The following STRN variants were observed in gnomAD, a reference collection of about 807,000 sequenced individuals.
STRN encodes the protein protein phosphatase 2 regulatory subunit B'''alpha.
In STRN, 53 loss-of-function variants were observed where a neutral mutation model predicts 96.3. The observed-to-expected ratio is 0.55, with a 90% CI of 0.44 to 0.69. STRN has a LOEUF of 0.69. Ranked by LOEUF, STRN falls within the 30% of genes least tolerant of loss-of-function variation. The pLI, the probability that STRN is intolerant of heterozygous loss-of-function variation, is 0.00. For missense variants in STRN, 987 were observed against 963.9 expected (o/e 1.02, Z -0.32); for synonymous variants, 428 against 355.9 (o/e 1.20, Z -2.28).
rs1194757269 is a variant in STRN at position 36,840,774 on chromosome 2, T to C, written c.*8682A>G. On this transcript the variant is annotated 3_prime_UTR_variant, in exon 18 of 18. Transcript: ENST00000263918. ...ATTTTTGTAGGTGACAAATGAGCAATGCATAATATGCAAAATCTGGGTTAA... is the reference window on the plus strand; with the variant it reads ...ATTTTTGTAGGTGACAAATGAGCAACGCATAATATGCAAAATCTGGGTTAA... 1 of 152,076 alleles carries C rather than the reference T, an allele frequency of 6.6e-6. No homozygotes were observed. Among genetic ancestry groups the C allele is most frequent in the Non-Finnish European group, 1.5e-5 (1 of 68,010 alleles). The allele number at this position is 152,076 out of a possible 1,614,324, so 9.4% of individuals were successfully genotyped here.
chr2:36,946,329 GCA>G (rs1371106852), intron 1 of STRN, among the ~76,000 whole-genome samples: 1 of 152,106 alleles, frequency 6.6e-6, no homozygotes, highest in Non-Finnish European at 1.5e-5. Flanking sequence ...AAATGACTTT[GCA>G]CACAGCAGCA....
At chr2:36,919,895 A>G (rs1303835848) in intron 2 of STRN, among the ~76,000 whole-genome samples, 2 of 152,220 alleles carry the variant, frequency 1.3e-5, no homozygotes, top group Non-Finnish European at 2.9e-5. Context: ...TTGAAAATTT[A>G]TATTAAATTT....
chr2:36,931,305 C>T (rs1670569325), intron 1 of STRN, among the ~76,000 whole-genome samples: 1 of 152,110 alleles, frequency 6.6e-6, no homozygotes, highest in Non-Finnish European at 1.5e-5. Flanking sequence ...TCAGTTCAAT[C>T]ACATGTTTGG....
intron 1 of STRN, among the ~76,000 whole-genome samples, chr2:36,935,329 C>A (rs1014626705): frequency 3.9e-5 from 6 of 152,190 alleles, no homozygotes; most frequent in African/African-American, 1.2e-4. Context: ...AACAAAAAAA[C>A]CTCTGTATGT....
At chr2:36,938,325 C>T (rs1471636778) in intron 1 of STRN, among the ~76,000 whole-genome samples, 1 of 151,674 alleles carries the variant, frequency 6.6e-6, no homozygotes, top group Non-Finnish European at 1.5e-5. Context: ...ACTTGGGAGG[C>T]TGAGGCACAA....
At chr2:36,923,391 C>T (rs1572677627) in intron 2 of STRN, among the ~76,000 whole-genome samples, 2 of 139,304 alleles carry the variant, frequency 1.4e-5, no homozygotes, top group East Asian at 2.2e-4. Context: ...GCGGAGGTTG[C>T]AGTAAGCCGA....
chr2:36,888,639 ATGTGTGTGTGTGTG>A (rs70946958), intron 7 of STRN, among the ~76,000 whole-genome samples: 1 of 145,128 alleles, frequency 6.9e-6, no homozygotes, highest in South Asian at 2.2e-4. Flanking sequence ...TTTAATTTAT[ATGTGTGTGTGTGTG>A]TGTGTGTGTG....
intron 12 of STRN, among the ~76,000 whole-genome samples, chr2:36,866,906 C>T (rs1436472532): frequency 6.6e-6 from 1 of 152,124 alleles, no homozygotes; most frequent in African/African-American, 2.4e-5. Flanking sequence ...TTTCTTTGAG[C>T]CTATGGGTGT....
At chr2:36,923,266 T>C (rs1398123113) in intron 2 of STRN, among the ~76,000 whole-genome samples, 1 of 151,430 alleles carries the variant, frequency 6.6e-6, no homozygotes, top group Non-Finnish European at 1.5e-5. Flanking sequence ...CTGACCAATA[T>C]GGTGAAACCC....
chr2:36,902,647 T>A lies in STRN; in HGVS notation c.596A>T (p.Asp199Val). ...ATTTACAACTGAGTCCTGATTTTTG[T>A]CATCTTCCCTGTCCGTGACATCACT... ...FSSDVTDRED[D>V]KNQDSVVNGT... Residue 199 changes from aspartate (D) to valine (V), a missense_variant, in exon 5 of 18, where the codon GAC becomes GTC. Asp to Val is a radical substitution (Grantham distance 152). Coordinates refer to ENST00000263918, the MANE Select transcript of STRN (RefSeq NM_003162.4). The A allele has an allele frequency of 6.2e-7, 1 of 1,612,146 alleles. No homozygotes were observed. The highest frequency in any genetic ancestry group is 8.5e-7 in the Non-Finnish European group (1 of 1,178,636).
chr2:36,865,167 G>A (rs1668590170), intron 12 of STRN, among the ~76,000 whole-genome samples: 1 of 152,294 alleles, frequency 6.6e-6, no homozygotes, highest in Non-Finnish European at 1.5e-5. Flanking sequence ...ACTCATTATT[G>A]GTCTGTTCAC....
intron 13 of STRN, among the ~76,000 whole-genome samples, chr2:36,860,203 GAC>G (rs1373566055): frequency 1.3e-5 from 2 of 152,172 alleles, no homozygotes; most frequent in East Asian, 3.8e-4. Context: ...GTCGCAAAGA[GAC>G]AGAGAGAGAT....
Position 36,956,387 on chromosome 2 carries a change from G to T in STRN, c.234+9843C>A, listed in dbSNP as rs117284516. 3.1e-4 allele frequency among the ~76,000 whole-genome samples: 47 copies of T among 152,260 alleles called. No homozygotes were observed. In the East Asian group the frequency reaches 6.2e-3, roughly 20 times the overall value. Reference sequence around the variant, plus strand: ...GGCCTAGAAAAATTGTAAAATGAAAGTGATAGAGATGTCTGACTCTGAGGC... The same window carrying T: ...GGCCTAGAAAAATTGTAAAATGAAATTGATAGAGATGTCTGACTCTGAGGC... On this transcript the variant is annotated intron_variant, in intron 1 of 17. Coordinates refer to ENST00000263918, the MANE Select transcript of STRN (RefSeq NM_003162.4).
In STRN at chr2:36,894,071, GT is replaced by G. The variant is rs763558278; in HGVS notation, c.796-39del. 5 of 1,591,344 alleles carry G rather than the reference GT, an allele frequency of 3.1e-6. No homozygotes were observed. The African/African-American group carries it at 5.4e-5, about 17-fold the overall frequency. ...CATGCTAAATTAAATAAAGGAGATA[GT>G]TTCCCTTTACCACTGAATAAGAAAA... On this transcript the variant is annotated intron_variant, in intron 6 of 17. Coordinates refer to ENST00000263918, the MANE Select transcript of STRN (RefSeq NM_003162.4).
At chr2:36,894,126 TTTG>T (rs1382361007) in intron 6 of STRN, 93 bp from the exon 7 acceptor site, 4 of 1,427,604 alleles carry the variant, frequency 2.8e-6, no homozygotes, top group Non-Finnish European at 3.7e-6. Flanking sequence ...AAAGTATACG[TTTG>T]TTGTGTTAAA....
chr2:36,846,638 T>C lies in STRN; in HGVS notation c.*2818A>G, dbSNP rs1330461623. The C allele has an allele frequency of 1.3e-5, 2 of 151,550 alleles. No individual in the cohort carries two copies. The highest frequency in any genetic ancestry group is 3.9e-4 in the East Asian group (2 of 5,174). The allele number at this position is 151,550 out of a possible 1,614,324, so 9.4% of individuals were successfully genotyped here. A position where few individuals can be genotyped will look rare whatever the true frequency, so the allele number is the denominator to read the frequency against. ...AGCTCAATTTCCCCCGTTTTAGTCA[T>C]AACTAAAATGATTATAAAAGCGAAA... On this transcript the variant is annotated 3_prime_UTR_variant, in exon 18 of 18. Coordinates refer to ENST00000263918, the MANE Select transcript of STRN (RefSeq NM_003162.4).
chr2:36,864,582 T>A (rs933980625), intron 12 of STRN, among the ~76,000 whole-genome samples: 1 of 152,210 alleles, frequency 6.6e-6, no homozygotes, highest in African/African-American at 2.4e-5. Context: ...GATTTTTGCA[T>A]CTATGTTCAT....
At chr2:36,885,926 T>C (rs567185933) in intron 8 of STRN, among the ~76,000 whole-genome samples, 43 of 152,240 alleles carry the variant, frequency 2.8e-4, no homozygotes, top group Non-Finnish European at 4.9e-4. Flanking sequence ...AAGGAGGTAA[T>C]TTAGCCTTGT....
At chr2:36,885,797 A>C (rs1441017978) in intron 8 of STRN, among the ~76,000 whole-genome samples, 1 of 152,136 alleles carries the variant, frequency 6.6e-6, no homozygotes, top group Non-Finnish European at 1.5e-5. Context: ...CGCAACTTTA[A>C]AATACATTTC....
Sources: gnomAD v4.1 joint callset for allele counts (sites outside exome capture counted in the v4.1 genomes callset) on GRCh38, gnomAD v4.1.1 for gene constraint, MANE v1.5 for transcripts, NCBI Gene and HGNC (gene_info 2026-07-23, HGNC 2026-07-21) for gene names.